The following CSMD1 variants were observed in gnomAD, a reference collection of about 807,000 sequenced individuals.
CSMD1 encodes CUB and Sushi multiple domains 1, also known as CUB and sushi domain-containing protein 1.
Under a neutral mutation model 417.5 loss-of-function variants are expected in CSMD1, and 213 were observed. That is an observed-to-expected ratio of 0.51 (90% CI 0.46 to 0.57). The LOEUF is 0.57. Among genes scored for constraint, CSMD1 ranks in the 20% least tolerant of loss-of-function variants. The pLI, the probability that CSMD1 is intolerant of heterozygous loss-of-function variation, is 0.00. For synonymous variants in CSMD1, 2,862 were observed against 1,736.8 expected (o/e 1.65, Z -16.11); for missense variants, 6,923 against 4,529.7 (o/e 1.53, Z -15.17).
chr8:4,559,354 G>A (rs1301512819), intron 2 of CSMD1, among the ~76,000 whole-genome samples: 1 of 151,922 alleles, frequency 6.6e-6, no homozygotes, highest in Non-Finnish European at 1.5e-5. Flanking sequence ...CCACTCTCTG[G>A]TTATGTTATA....
In CSMD1 at chr8:2,935,567, A is replaced by T. The variant is rs897201569; in HGVS notation, c.*3018T>A. The T allele has an allele frequency of 6.6e-6, 1 of 152,224 alleles. No homozygotes were observed. Among genetic ancestry groups the T allele is most frequent in the Non-Finnish European group, 1.5e-5 (1 of 68,046 alleles). The allele number at this position is 152,224 out of a possible 1,614,324, so 9.4% of individuals were successfully genotyped here. On this transcript the variant is annotated 3_prime_UTR_variant, in exon 70 of 70. Transcript: ENST00000635120. Reference sequence around the variant, plus strand: ...CATTTTACATTATTGGGAAAATTACAGTTCTGTATTGTAAAAACATTTATT... The same window carrying T: ...CATTTTACATTATTGGGAAAATTACTGTTCTGTATTGTAAAAACATTTATT...
intron 1 of CSMD1, among the ~76,000 whole-genome samples, chr8:4,801,876 A>G (rs528939531): frequency 3.9e-5 from 6 of 152,366 alleles, no homozygotes; most frequent in South Asian, 2.1e-4. Flanking sequence ...GGCAAGCCCA[A>G]TGTATTTTAA....
At chr8:4,676,177 T>A (rs368229565) in intron 1 of CSMD1, among the ~76,000 whole-genome samples, 2 of 152,220 alleles carry the variant, frequency 1.3e-5, no homozygotes, top group Non-Finnish European at 2.9e-5. Context: ...ATCAAGGTCA[T>A]AGACCCTGAC....
intron 26 of CSMD1, among the ~76,000 whole-genome samples, chr8:3,264,926 G>T (rs1002109931): frequency 2.0e-5 from 3 of 152,016 alleles, no homozygotes; most frequent in African/African-American, 7.2e-5. Flanking sequence ...GCTAACATCG[G>T]TATAGCTTAT....
intron 2 of CSMD1, among the ~76,000 whole-genome samples, chr8:4,471,565 C>G (rs923531522): frequency 6.6e-6 from 1 of 151,866 alleles, no homozygotes; most frequent in Non-Finnish European, 1.5e-5. Context: ...TGTTTAATAA[C>G]GAAGGCCCGT....
At chr8:3,524,008 CAT>C (rs1173414436) in intron 10 of CSMD1, among the ~76,000 whole-genome samples, 2 of 147,086 alleles carry the variant, frequency 1.4e-5, no homozygotes, top group African/African-American at 2.6e-5. Flanking sequence ...CATATGCACA[CAT>C]GTGCACGTGC....
chr8:4,110,708 T>G (rs928965796), intron 3 of CSMD1, among the ~76,000 whole-genome samples: 16 of 151,876 alleles, frequency 1.1e-4, no homozygotes, highest in African/African-American at 3.1e-4. Flanking sequence ...AATTTCAGGG[T>G]TTTTTTTCCC....
chr8:4,568,417 G>C (rs534488314), intron 2 of CSMD1, among the ~76,000 whole-genome samples: 5 of 152,214 alleles, frequency 3.3e-5, no homozygotes, highest in African/African-American at 9.6e-5. Context: ...ATGGTTTCCA[G>C]CTTCACCCAT....
intron 3 of CSMD1, among the ~76,000 whole-genome samples, chr8:4,344,530 A>G (rs942585691): frequency 2.6e-5 from 4 of 151,014 alleles, no homozygotes; most frequent in East Asian, 1.9e-4. Context: ...AGAAATATAT[A>G]TAAATAAATA....
chr8:4,322,749 C>G (rs904984976), intron 3 of CSMD1, among the ~76,000 whole-genome samples: 2 of 152,180 alleles, frequency 1.3e-5, no homozygotes, highest in Admixed American at 6.5e-5. Flanking sequence ...AATACCAGCA[C>G]TTTGGAAGGC....
intron 11 of CSMD1, among the ~76,000 whole-genome samples, chr8:3,476,002 G>A (rs189521226): frequency 4.5e-4 from 68 of 152,268 alleles, no homozygotes; most frequent in Admixed American, 1.8e-3. Flanking sequence ...TCTTCCCTTT[G>A]CACCTTGCTA....
In CSMD1 at chr8:3,114,875, G is replaced by C. The variant is rs188498866; in HGVS notation, c.6430+3524C>G. Reference sequence around the variant, plus strand: ...AAATTGTTTTCTGCTTACAAAATCTGTCAAATTCAAAGAAGCTGTTAACAT... The same window carrying C: ...AAATTGTTTTCTGCTTACAAAATCTCTCAAATTCAAAGAAGCTGTTAACAT... On this transcript the variant is annotated intron_variant, in intron 42 of 69. Transcript: ENST00000635120. Among the ~76,000 whole-genome samples, 53 of 150,554 alleles carry C rather than the reference G, an allele frequency of 3.5e-4. No individual in the cohort carries two copies. In the East Asian group the frequency reaches 0.011, roughly 31 times the overall value.
intron 55 of CSMD1, 39 bp downstream of exon 55, chr8:2,978,573 G>C (rs757555852): frequency 1.3e-4 from 199 of 1,488,468 alleles, no homozygotes; most frequent in Admixed American, 2.0e-4. Flanking sequence ...TGACCTTGCA[G>C]GGGTCTCTGC....
intron 1 of CSMD1, chr8:4,787,309 C>T: frequency 1.4e-6 from 1 of 707,008 alleles, no homozygotes; most frequent in Non-Finnish European, 2.6e-6. Context: ...GGCGCGGTCG[C>T]AGCCCTCAGC....
At chr8:4,627,240 G>C (rs1773205088) in intron 2 of CSMD1, among the ~76,000 whole-genome samples, 1 of 152,110 alleles carries the variant, frequency 6.6e-6, no homozygotes, top group East Asian at 1.9e-4. Flanking sequence ...CCAGTCACTT[G>C]AAATGGGCAG....
chr8:4,079,620 G>C (rs940835899), intron 3 of CSMD1, among the ~76,000 whole-genome samples: 1 of 152,308 alleles, frequency 6.6e-6, no homozygotes, highest in South Asian at 2.1e-4. Flanking sequence ...TCTTCATGGA[G>C]AATTAGCTAA....
At chr8:4,355,090 G>A (rs762504034) in intron 3 of CSMD1, among the ~76,000 whole-genome samples, 5 of 151,752 alleles carry the variant, frequency 3.3e-5, no homozygotes, top group Admixed American at 6.6e-5. Flanking sequence ...GTGAAACCCC[G>A]TCTCTACTAA....
At chr8:4,388,095 A>G (rs1803580946) in intron 3 of CSMD1, among the ~76,000 whole-genome samples, 1 of 152,216 alleles carries the variant, frequency 6.6e-6, no homozygotes, top group African/African-American at 2.4e-5. Context: ...AACCAGGACT[A>G]AAGATACAGC....
chr8:3,794,271 C>T (rs1799917595), intron 5 of CSMD1, among the ~76,000 whole-genome samples: 1 of 152,182 alleles, frequency 6.6e-6, no homozygotes, highest in Non-Finnish European at 1.5e-5. Context: ...GCAGCTACTT[C>T]CCTTAGTATT....
Sources: gnomAD v4.1 joint callset for allele counts (sites outside exome capture counted in the v4.1 genomes callset) on GRCh38, gnomAD v4.1.1 for gene constraint, MANE v1.5 for transcripts, NCBI Gene and HGNC (gene_info 2026-07-23, HGNC 2026-07-21) for gene names.